Variants in NPAS3 observed in about 807,000 individuals in gnomAD.
The protein encoded by NPAS3 is neuronal PAS domain-containing protein 3.
NPAS3 carries 14 observed loss-of-function variants against 73.1 expected under a neutral mutation model. The ratio of observed to expected loss-of-function variants is 0.19; its 90% confidence interval spans 0.13 to 0.30. The LOEUF is 0.30. Among genes scored for constraint, NPAS3 ranks in the 10% least tolerant of loss-of-function variants. The pLI, the probability that NPAS3 is intolerant of heterozygous loss-of-function variation, is 1.00. For synonymous variants in NPAS3, 620 were observed against 541.5 expected (o/e 1.14, Z -2.01); for missense variants, 1,096 against 1,250.0 (o/e 0.88, Z 1.86).
At chr14:33,087,712 A>C (rs2042084800) in intron 2 of NPAS3, among the ~76,000 whole-genome samples, 1 of 152,082 alleles carries the variant, frequency 6.6e-6, no homozygotes, top group Non-Finnish European at 1.5e-5. Context: ...ACATAAATAT[A>C]CTCTTCAAGC....
intron 7 of NPAS3, among the ~76,000 whole-genome samples, chr14:33,758,005 A>C (rs1394265214): frequency 6.6e-6 from 1 of 152,258 alleles, no homozygotes; most frequent in Non-Finnish European, 1.5e-5. Context: ...AAGGTTAATT[A>C]AACATTGAAT....
At chr14:33,040,675 G>A (rs556250277) in intron 1 of NPAS3, among the ~76,000 whole-genome samples, 1 of 152,084 alleles carries the variant, frequency 6.6e-6, no homozygotes, top group South Asian at 2.1e-4. Context: ...CAATGTTAAA[G>A]CCCCAAGGTT....
At chr14:33,001,346 G>A (rs1489164765) in intron 1 of NPAS3, among the ~76,000 whole-genome samples, 1 of 152,190 alleles carries the variant, frequency 6.6e-6, no homozygotes, top group Non-Finnish European at 1.5e-5. Flanking sequence ...AAGAGCCTGG[G>A]AAAGGTAATG....
intron 5 of NPAS3, among the ~76,000 whole-genome samples, chr14:33,561,960 G>C (rs1019841375): frequency 3.3e-5 from 5 of 152,190 alleles, no homozygotes; most frequent in Non-Finnish European, 5.9e-5. Context: ...AGATGGCTCT[G>C]TATGCTTAGA....
At chr14:33,305,751 A>G (rs2042730007) in intron 3 of NPAS3, among the ~76,000 whole-genome samples, 2 of 152,198 alleles carry the variant, frequency 1.3e-5, no homozygotes, top group Admixed American at 1.3e-4. Flanking sequence ...TGGATTCTCC[A>G]AACTCTTTGC....
At chr14:33,551,848 C>G (rs958111901) in intron 4 of NPAS3, among the ~76,000 whole-genome samples, 3 of 152,162 alleles carry the variant, frequency 2.0e-5, no homozygotes. Flanking sequence ...TTTTCCAAAT[C>G]GAGCACTCCA....
intron 4 of NPAS3, among the ~76,000 whole-genome samples, chr14:33,495,272 T>A (rs1431938444): frequency 6.6e-6 from 1 of 152,132 alleles, no homozygotes; most frequent in Admixed American, 6.6e-5. Flanking sequence ...CAGTTTTCCG[T>A]GTAGTTGTGC....
chr14:33,433,949 AG>A (rs1382177296), intron 4 of NPAS3, among the ~76,000 whole-genome samples: 1 of 151,704 alleles, frequency 6.6e-6, no homozygotes, highest in East Asian at 2.0e-4. Flanking sequence ...CCAACACTTT[AG>A]GAGGCCGAGG....
At chr14:33,660,025 T>A (rs996642149) in intron 5 of NPAS3, among the ~76,000 whole-genome samples, 7 of 152,106 alleles carry the variant, frequency 4.6e-5, no homozygotes, top group Non-Finnish European at 8.8e-5. Context: ...TTGTTCCACA[T>A]GGAAGAAATG....
At chr14:33,346,889 C>T (rs1303459216) in intron 3 of NPAS3, among the ~76,000 whole-genome samples, 2 of 152,226 alleles carry the variant, frequency 1.3e-5, no homozygotes, top group Admixed American at 1.3e-4. Flanking sequence ...CAATATTGTC[C>T]CAAATACCCT....
intron 6 of NPAS3, among the ~76,000 whole-genome samples, chr14:33,687,820 G>C (rs2060131185): frequency 6.6e-6 from 1 of 152,040 alleles, no homozygotes; most frequent in South Asian, 2.1e-4. Flanking sequence ...TCCGGGATGG[G>C]GTAGTTACCA....
At chr14:33,684,766 C>CTCTG (rs2060040936) in intron 6 of NPAS3, among the ~76,000 whole-genome samples, 1 of 152,236 alleles carries the variant, frequency 6.6e-6, no homozygotes, top group African/African-American at 2.4e-5. Context: ...TTGGACTCTG[C>CTCTG]TCTGTGTCGG....
chr14:33,144,554 T>G (rs760436725), intron 2 of NPAS3, among the ~76,000 whole-genome samples: 4 of 152,170 alleles, frequency 2.6e-5, no homozygotes, highest in Admixed American at 2.0e-4. Context: ...TGATTATTAT[T>G]TTTTTGAGAC....
At chr14:33,209,246 A>C (rs1403921428) in intron 2 of NPAS3, among the ~76,000 whole-genome samples, 1 of 152,132 alleles carries the variant, frequency 6.6e-6, no homozygotes. Flanking sequence ...CCGTTACCTT[A>C]TAAGAAAGCT....
chr14:32,997,597 C>T (rs1477535024), intron 1 of NPAS3, among the ~76,000 whole-genome samples: 1 of 152,038 alleles, frequency 6.6e-6, no homozygotes, highest in Non-Finnish European at 1.5e-5. Context: ...TTTCTCTGCA[C>T]AAGCTCTCTC....
intron 3 of NPAS3, among the ~76,000 whole-genome samples, chr14:33,324,973 G>A (rs186759027): frequency 2.8e-4 from 43 of 152,162 alleles, no homozygotes; most frequent in Middle Eastern, 3.4e-3. Context: ...GGGTTGTGCC[G>A]TGTTAGTTAT....
intron 3 of NPAS3, among the ~76,000 whole-genome samples, chr14:33,335,475 C>CT (rs2140292748): frequency 6.6e-6 from 1 of 152,250 alleles, no homozygotes; most frequent in East Asian, 1.9e-4. Context: ...TTAAACTATT[C>CT]TTGTAAGATA....
chr14:33,783,490 T>C (rs1408196075), intron 9 of NPAS3, among the ~76,000 whole-genome samples: 3 of 151,588 alleles, frequency 2.0e-5, no homozygotes, highest in Non-Finnish European at 4.4e-5. Context: ...GCCTTCATCG[T>C]GTGCCTGGCC....
chr14:33,080,740 C>A (rs576411337), intron 2 of NPAS3, among the ~76,000 whole-genome samples: 2 of 152,104 alleles, frequency 1.3e-5, no homozygotes, highest in African/African-American at 2.4e-5. Context: ...AGCATTGTTG[C>A]GTGAAGTGTG....
Sources: gnomAD v4.1 joint callset for allele counts (sites outside exome capture counted in the v4.1 genomes callset) on GRCh38, gnomAD v4.1.1 for gene constraint, MANE v1.5 for transcripts, NCBI Gene and HGNC (gene_info 2026-07-23, HGNC 2026-07-21) for gene names.